Variants in MZT2B observed in about 807,000 individuals in gnomAD.
MZT2B encodes the protein mitotic-spindle organizing protein 2B.
A neutral mutation model predicts 12.1 loss-of-function variants in MZT2B; 11 were observed. The ratio of observed to expected loss-of-function variants is 0.91; its 90% CI spans 0.57 to 1.50. The LOEUF (loss-of-function observed/expected upper bound fraction) is 1.50. MZT2B is among the 40% of genes most tolerant of loss of function. MZT2B has a pLI of 0.00. For synonymous variants in MZT2B, 85 were observed against 109.5 expected (o/e 0.78, Z 1.40); for missense variants, 209 against 227.7 (o/e 0.92, Z 0.53).
At chr2:130,192,126 A>G (rs1403638032), downstream of MZT2B, 1 of 1,591,492 alleles carries the variant, frequency 6.3e-7, no homozygotes, top group Non-Finnish European at 8.6e-7. Flanking sequence ...GTTAATGCCC[A>G]CCTGCCAGAG....
chr2:130,197,270 A>G, the MZT2B span, among the ~76,000 whole-genome samples: 60,236 of 150,594 alleles, frequency 0.4, 11,782 homozygotes, highest in Admixed American at 0.47. Flanking sequence ...TGAGAGGATC[A>G]CTTGGGACCA....
chr2:130,196,869 G>A, the MZT2B span, among the ~76,000 whole-genome samples: 5 of 152,126 alleles, frequency 3.3e-5, no homozygotes, highest in Admixed American at 1.3e-4. Context: ...CTGTGCTCTC[G>A]AAGGCTGACC....
chr2:130,191,928 G>A, downstream of MZT2B: 5 of 1,614,058 alleles, frequency 3.1e-6, no homozygotes, highest in Non-Finnish European at 4.2e-6. Context: ...GCGGGCCTCA[G>A]AGAACTCTCC....
At chr2:130,199,871 G>A in the MZT2B span, among the ~76,000 whole-genome samples, 1 of 151,964 alleles carries the variant, frequency 6.6e-6, no homozygotes, top group African/African-American at 2.4e-5. Flanking sequence ...CAAGGTAGGA[G>A]GATCACTTGA....
chr2:130,198,367 C>T, the MZT2B span: 1 of 1,357,240 alleles, frequency 7.4e-7, no homozygotes, highest in Non-Finnish European at 1.0e-6. Context: ...CCATGGCGAA[C>T]TCCGCTGCTT....
chr2:130,184,895 T>TGGC, intron 2 of MZT2B: 1 of 985,296 alleles, frequency 1.0e-6, no homozygotes, highest in Non-Finnish European at 1.2e-6. Flanking sequence ...ACCAGTGTGG[T>TGGC]GGCTCACACC....
chr2:130,201,700 T>A, the MZT2B span, among the ~76,000 whole-genome samples: 1 of 152,170 alleles, frequency 6.6e-6, no homozygotes, highest in Non-Finnish European at 1.5e-5. Context: ...CAGCCACGCA[T>A]CCTTCAGCGG....
chr2:130,198,427 G>A, the MZT2B span: 11 of 1,349,830 alleles, frequency 8.1e-6, 1 homozygote, highest in South Asian at 1.3e-5. Context: ...GCTGCTGAGC[G>A]CCCAACTGCA....
the MZT2B span, chr2:130,198,397 G>C: frequency 7.4e-7 from 1 of 1,355,968 alleles, no homozygotes. Context: ...GCTACTTCCA[G>C]ACCTCAACCG....
rs1421498089 is a variant in MZT2B, at chr2:130,182,468, G to C, written c.170+16G>C. On this transcript the variant is annotated intron_variant, in intron 1 of 2. Transcript: ENST00000281871. ...ACGTGTTCAAGTGAGCGGGGCGGGT[G>C]GGGGCCGCATGCTAGCCAGACACCC... is the stretch of plus-strand genomic sequence containing the variant. 6.5e-7 allele frequency: 1 copy of C among 1,544,688 alleles called. No individual in the cohort carries two copies. Among genetic ancestry groups the C allele is most frequent in the Admixed American group, 2.0e-5 (1 of 50,880 alleles).
At chr2:130,195,675 G>T (rs560998694), downstream of MZT2B, among the ~76,000 whole-genome samples, 1 of 152,208 alleles carries the variant, frequency 6.6e-6, no homozygotes, top group Non-Finnish European at 1.5e-5. Flanking sequence ...TCTCCTGGGG[G>T]GCCACTGAAA....
chr2:130,196,993 C>T, the MZT2B span, among the ~76,000 whole-genome samples: 1 of 152,222 alleles, frequency 6.6e-6, no homozygotes, highest in Admixed American at 6.5e-5. Flanking sequence ...AGGGTACTCC[C>T]TCCTTGGCCC....
chr2:130,183,824 T>A (rs2104961688), intron 2 of MZT2B: 1 of 1,550,670 alleles, frequency 6.4e-7, no homozygotes, highest in Non-Finnish European at 8.7e-7. Flanking sequence ...GTAGCCCCCC[T>A]GCAAGGCCCT....
At chr2:130,193,918 G>A (rs1368167741), downstream of MZT2B, 3 of 1,614,126 alleles carry the variant, frequency 1.9e-6, no homozygotes, top group African/African-American at 2.7e-5. Flanking sequence ...ACTTGCCATG[G>A]CGAGGGTCAC....
rs778862385 is a variant in MZT2B, at chr2:130,185,564, G to A, written c.319+2789G>A. On this transcript the variant is annotated intron_variant, in intron 2 of 2. Transcript: ENST00000281871. ...AGAGAGCAGCAAGGGTTACACAGGG[G>A]GGTAACAAGGGTTACAGCAGGAGGG... 4.3e-5 allele frequency among the ~76,000 whole-genome samples: 5 copies of A among 116,406 alleles called. 1 individual carries two copies. In the East Asian group the frequency reaches 1.4e-3, roughly 32 times the overall value. 76.4% of individuals were successfully genotyped at this position (116,406 alleles called of 152,430 possible).
chr2:130,194,977 C>G (rs1200169705), downstream of MZT2B: 39 of 1,556,686 alleles, frequency 2.5e-5, no homozygotes, highest in Admixed American at 7.2e-5. Context: ...CGCGCCCGGC[C>G]AAGATGCTGG....
chr2:130,194,903 C>G (rs1690366311), downstream of MZT2B, among the ~76,000 whole-genome samples: 1 of 152,134 alleles, frequency 6.6e-6, no homozygotes, highest in Non-Finnish European at 1.5e-5. Flanking sequence ...GTCTCAAACT[C>G]CTGACCTCAG....
upstream of MZT2B, chr2:130,181,810 C>T (rs544831017): frequency 1.0e-5 from 16 of 1,545,584 alleles, no homozygotes; most frequent in African/African-American, 1.2e-4. Context: ...ACTTTCTCCC[C>T]AGCAAGGAAT....
At chr2:130,192,718 A>C (rs1029697124), downstream of MZT2B, among the ~76,000 whole-genome samples, 4 of 152,216 alleles carry the variant, frequency 2.6e-5, no homozygotes, top group African/African-American at 9.7e-5. Flanking sequence ...TCCAAGTTTC[A>C]GAACTCGGTA....
Sources: gnomAD v4.1 joint callset for allele counts (sites outside exome capture counted in the v4.1 genomes callset) on GRCh38, gnomAD v4.1.1 for gene constraint, MANE v1.5 for transcripts, NCBI Gene and HGNC (gene_info 2026-07-23, HGNC 2026-07-21) for gene names.